The following ITGAM variants were observed in gnomAD, a reference collection of about 807,000 sequenced individuals.
The protein encoded by ITGAM is integrin subunit alpha M, also known as integrin alpha-M.
In ITGAM, 79 loss-of-function variants were observed where a neutral mutation model predicts 137.5. The observed-to-expected ratio is 0.57, with a 90% confidence interval of 0.48 to 0.69. The LOEUF is 0.69. Among genes scored for constraint, ITGAM ranks in the 30% least tolerant of loss-of-function variants. ITGAM has a pLI of 0.00. For synonymous variants in ITGAM, 583 were observed against 592.3 expected (o/e 0.98, Z 0.23); for missense variants, 1,343 against 1,483.5 (o/e 0.91, Z 1.56).
intron 14 of ITGAM, among the ~76,000 whole-genome samples, chr16:31,315,326 C>T (rs1015674069): frequency 2.6e-5 from 4 of 152,050 alleles, no homozygotes; most frequent in Non-Finnish European, 4.4e-5. Flanking sequence ...GTTGCTTGTG[C>T]TTTCAGGATC....
chr16:31,326,759 TGGGC>T (rs1313682262), intron 21 of ITGAM, 93 bp from the exon 22 acceptor site: 1 of 836,720 alleles, frequency 1.2e-6, no homozygotes, highest in Non-Finnish European at 2.0e-6. Context: ...GTTGCATGGA[TGGGC>T]CATATTTCAT....
intron 11 of ITGAM, 126 bp from the exon 12 acceptor site, chr16:31,277,841 C>T (rs976893716): frequency 2.5e-5 from 23 of 926,084 alleles, no homozygotes; most frequent in Middle Eastern, 3.2e-4. Context: ...AGAAATATAG[C>T]GTAGGGATCA....
chr16:31,328,807 G>T (rs1386372613), intron 23 of ITGAM, among the ~76,000 whole-genome samples: 1 of 140,020 alleles, frequency 7.1e-6, no homozygotes, highest in African/African-American at 2.7e-5. Context: ...TGTGTGTGAA[G>T]GTCTATGTGC....
At chr16:31,286,480 G>A (rs535922883) in intron 12 of ITGAM, among the ~76,000 whole-genome samples, 8 of 152,226 alleles carry the variant, frequency 5.3e-5, no homozygotes, top group East Asian at 3.9e-4. Flanking sequence ...ATGTATAAGC[G>A]TTCCTTTTTC....
At chr16:31,291,304 T>C (rs914518793) in intron 12 of ITGAM, among the ~76,000 whole-genome samples, 1 of 152,104 alleles carries the variant, frequency 6.6e-6, no homozygotes, top group Non-Finnish European at 1.5e-5. Flanking sequence ...AACACGGGAG[T>C]GCAGTTATCT....
intron 14 of ITGAM, among the ~76,000 whole-genome samples, chr16:31,303,444 CATT>C (rs1253062146): frequency 6.6e-6 from 1 of 152,112 alleles, no homozygotes; most frequent in African/African-American, 2.4e-5. Context: ...GGACTATAGT[CATT>C]ATATGATTTT....
In ITGAM at chr16:31,289,720, C is replaced by T. The variant is rs565682637; in HGVS notation, c.1357-7794C>T. ...TGTATACATATGTAACAAACCTGCA[C>T]GTTGTGCACATGTACCCTAGAACTT... On this transcript the variant is annotated intron_variant, in intron 12 of 29. Coordinates refer to ENST00000544665, the MANE Select transcript of ITGAM (RefSeq NM_000632.4). Among the ~76,000 whole-genome samples the T allele has an allele frequency of 2.7e-4, 41 of 152,190 alleles. 1 individual carries two copies. The highest frequency in any genetic ancestry group is 6.8e-3 in the Middle Eastern group (2 of 294).
In ITGAM at chr16:31,328,197, C is replaced by T. The variant is rs553266817; in HGVS notation, c.2759C>T (p.Pro920Leu). The change falls in exon 23 of 30, where the codon CCG becomes CTG. Residue 920 changes from proline to leucine, a missense_variant. Pro to Leu is a moderately conservative substitution (Grantham distance 98, BLOSUM62 -3). Transcript: ENST00000544665. ...TNKTEFQLEL[P>L]VKYAVYMVVT... ...AAAACCGAATTCCAACTGGAGCTGC[C>T]GGTGAAATATGCTGTCTACATGGTG... 23 of 1,613,786 alleles carry T rather than the reference C, an allele frequency of 1.4e-5. No individual in the cohort carries two copies. Among genetic ancestry groups the T allele is most frequent in the Admixed American group, 8.3e-5 (5 of 59,994 alleles).
chr16:31,330,371 G>A lies in ITGAM; in HGVS notation c.3124G>A (p.Glu1042Lys), dbSNP rs748170419. 7.4e-6 allele frequency: 12 copies of A among 1,613,900 alleles called. No homozygotes were observed. The highest frequency in any genetic ancestry group is 1.1e-5 in the South Asian group (1 of 91,092). ...CDIPFFGIQE[E>K]FNATLKGNLS... ...CATCCCGTTCTTTGGCATCCAGGAA[G>A]AATTCAATGCTACCCTCAAAGGCAA... Residue 1042 changes from glutamate (E) to lysine (K), a missense_variant, in exon 27 of 30, where the codon GAA becomes AAA. Physicochemically the swap from Glu to Lys is moderately conservative, Grantham distance 56. Transcript: ENST00000544665.
At chr16:31,280,924 T>C (rs2079962101) in intron 12 of ITGAM, among the ~76,000 whole-genome samples, 1 of 152,236 alleles carries the variant, frequency 6.6e-6, no homozygotes, top group Non-Finnish European at 1.5e-5. Flanking sequence ...GTTTTCAGCA[T>C]GAAGGGCTGT....
At chr16:31,315,266 T>G (rs11865746) in intron 14 of ITGAM, among the ~76,000 whole-genome samples, 21,609 of 152,144 alleles carry the variant, frequency 0.14, 1,709 homozygotes, top group South Asian at 0.2. Flanking sequence ...TCCTTTATTG[T>G]GCAGAAGCTT....
chr16:31,287,642 T>A (rs2080042551), intron 12 of ITGAM, among the ~76,000 whole-genome samples: 1 of 152,156 alleles, frequency 6.6e-6, no homozygotes, highest in Non-Finnish European at 1.5e-5. Context: ...CTGTGTGTTT[T>A]TAAAATTTTT....
At chr16:31,328,927 C>A in intron 23 of ITGAM, 3 of 491,142 alleles carry the variant, frequency 6.1e-6, no homozygotes, top group Non-Finnish European at 7.4e-6. Flanking sequence ...GATCTATGTG[C>A]ATGTATGTGT....
At chr16:31,302,648 C>T (rs2080219235) in intron 14 of ITGAM, among the ~76,000 whole-genome samples, 1 of 151,614 alleles carries the variant, frequency 6.6e-6, no homozygotes, top group African/African-American at 2.4e-5. Context: ...TATTCTCTTG[C>T]CTCAGCCTGC....
At chr16:31,319,239 G>T (rs1567276775) in intron 14 of ITGAM, among the ~76,000 whole-genome samples, 2 of 147,458 alleles carry the variant, frequency 1.4e-5, no homozygotes, top group Non-Finnish European at 3.0e-5. Flanking sequence ...TCTCCCTTGG[G>T]TTTTTTTTTT....
chr16:31,328,464 GC>G, intron 23 of ITGAM, among the ~76,000 whole-genome samples: 1 of 151,724 alleles, frequency 6.6e-6, no homozygotes, highest in South Asian at 2.1e-4. Flanking sequence ...GGATGTATCT[GC>G]ATGTGTGTAT....
chr16:31,304,560 A>G (rs904875798), intron 14 of ITGAM, among the ~76,000 whole-genome samples: 1 of 151,934 alleles, frequency 6.6e-6, no homozygotes, highest in African/African-American at 2.4e-5. Context: ...GAGTTTTTCC[A>G]ATGTTATCTT....
At chr16:31,330,948 GAGAC>G (rs1219931586) in intron 28 of ITGAM, among the ~76,000 whole-genome samples, 1 of 151,808 alleles carries the variant, frequency 6.6e-6, no homozygotes, top group Non-Finnish European at 1.5e-5. Context: ...TGGAGATAGA[GAGAC>G]AGAGAGAGGC....
At chr16:31,320,569 C>T (rs2080438336) in intron 14 of ITGAM, among the ~76,000 whole-genome samples, 1 of 152,178 alleles carries the variant, frequency 6.6e-6, no homozygotes, top group Non-Finnish European at 1.5e-5. Flanking sequence ...TTCCCTTGCT[C>T]TTGAGGGAAC....
Sources: gnomAD v4.1 joint callset for allele counts (sites outside exome capture counted in the v4.1 genomes callset) on GRCh38, gnomAD v4.1.1 for gene constraint, MANE v1.5 for transcripts, NCBI Gene and HGNC (gene_info 2026-07-23, HGNC 2026-07-21) for gene names.